Variants in TBL1XR1 observed in about 807,000 individuals in gnomAD.
The protein encoded by TBL1XR1 is TBL1X/Y related 1.
TBL1XR1 carries 5 observed loss-of-function variants against 66.9 expected under a neutral mutation model. That is an observed-to-expected ratio of 0.07 (90% CI 0.04 to 0.16). TBL1XR1 has a LOEUF of 0.16. Ranked by LOEUF, TBL1XR1 falls within the 10% of genes least tolerant of loss-of-function variation. The probability of loss-of-function intolerance (pLI) is 1.00; values close to 1 mark genes in which losing one functional copy is unlikely to be tolerated. For missense variants in TBL1XR1, 238 were observed against 623.2 expected (o/e 0.38, Z 6.58); for synonymous variants, 210 against 206.0 (o/e 1.02, Z -0.17).
At chr3:177,162,000 C>T (rs1256514624) in intron 1 of TBL1XR1, among the ~76,000 whole-genome samples, 1 of 152,182 alleles carries the variant, frequency 6.6e-6, no homozygotes, top group Non-Finnish European at 1.5e-5. Context: ...CTTACAAACA[C>T]TGCTAGTGAA....
At chr3:177,068,039 T>A (rs192007823) in intron 2 of TBL1XR1, among the ~76,000 whole-genome samples, 2 of 152,296 alleles carry the variant, frequency 1.3e-5, no homozygotes, top group South Asian at 2.1e-4. Context: ...GAGACACTCA[T>A]CCAGTCTTTA....
chr3:177,189,646 T>A (rs1160644300), intron 1 of TBL1XR1, among the ~76,000 whole-genome samples: 1 of 48,930 alleles, frequency 2.0e-5, no homozygotes, highest in Non-Finnish European at 3.6e-5. Flanking sequence ...CAAGACTCCA[T>A]CTCAAAAAAA....
At chr3:177,177,347 G>A (rs942570935) in intron 1 of TBL1XR1, among the ~76,000 whole-genome samples, 2 of 151,306 alleles carry the variant, frequency 1.3e-5, no homozygotes, top group Non-Finnish European at 2.9e-5. Context: ...CTACTCAGGA[G>A]GCTGAAGAAG....
chr3:177,050,239 G>A (rs370856858), intron 6 of TBL1XR1, 101 bp from the exon 7 acceptor site: 263 of 1,414,520 alleles, frequency 1.9e-4, no homozygotes, highest in Non-Finnish European at 2.2e-4. Flanking sequence ...AAATAAAAAC[G>A]ACTATCACGA....
intron 1 of TBL1XR1, among the ~76,000 whole-genome samples, chr3:177,153,234 ACT>A (rs1731105524): frequency 1.3e-5 from 2 of 152,158 alleles, no homozygotes; most frequent in Admixed American, 1.3e-4. Context: ...GGAAACAAAG[ACT>A]CTACCAAACT....
In TBL1XR1 at chr3:177,185,191, T is replaced by A. The variant is rs141670453; in HGVS notation, c.-122+11930A>T. On this transcript the variant is annotated intron_variant, in intron 1 of 15. Transcript: ENST00000457928. Reference sequence around the variant, plus strand: ...CCTACCCCAACAGCATTGTTATCAGTCTCTTCCACAGCTTTCTAGAGTCAC... The same window carrying A: ...CCTACCCCAACAGCATTGTTATCAGACTCTTCCACAGCTTTCTAGAGTCAC... Among the ~76,000 whole-genome samples, 23 of 152,324 alleles carry A rather than the reference T, an allele frequency of 1.5e-4. No homozygotes were observed. The East Asian group carries it at 3.9e-3, about 26-fold the overall frequency.
At chr3:177,194,778 T>C (rs1736618842) in intron 1 of TBL1XR1, among the ~76,000 whole-genome samples, 1 of 152,188 alleles carries the variant, frequency 6.6e-6, no homozygotes, top group Non-Finnish European at 1.5e-5. Context: ...ATGGTAATCA[T>C]GCAAAACCTT....
intron 1 of TBL1XR1, among the ~76,000 whole-genome samples, chr3:177,110,397 G>T (rs1228022227): frequency 6.6e-6 from 1 of 152,238 alleles, no homozygotes; most frequent in South Asian, 2.1e-4. Context: ...TGTATCTAGG[G>T]CTATACACCC....
chr3:177,051,038 T>C (rs1717007102), intron 5 of TBL1XR1, among the ~76,000 whole-genome samples: 1 of 152,184 alleles, frequency 6.6e-6, no homozygotes. Context: ...GTATTACAAA[T>C]TTTATTTAGA....
chr3:177,030,127 TATATAG>T (rs1713749727), intron 14 of TBL1XR1, among the ~76,000 whole-genome samples: 3 of 143,750 alleles, frequency 2.1e-5, no homozygotes, highest in Admixed American at 1.4e-4. Context: ...TGTGTATATA[TATATAG>T]AGAGAGAGAG....
At chr3:177,159,712 G>C (rs984673605) in intron 1 of TBL1XR1, among the ~76,000 whole-genome samples, 3 of 152,178 alleles carry the variant, frequency 2.0e-5, no homozygotes, top group African/African-American at 7.2e-5. Context: ...CAAAGTACCA[G>C]CTCCTACGAA....
At chr3:177,158,289 A>G (rs1407153732) in intron 1 of TBL1XR1, among the ~76,000 whole-genome samples, 2 of 146,926 alleles carry the variant, frequency 1.4e-5, no homozygotes, top group African/African-American at 5.1e-5. Flanking sequence ...GTGCAGTGGC[A>G]CAATCTTGGC....
chr3:177,146,825 TAGTG>T (rs1213419224), intron 1 of TBL1XR1, among the ~76,000 whole-genome samples: 6 of 152,060 alleles, frequency 3.9e-5, no homozygotes, highest in Admixed American at 2.6e-4. Flanking sequence ...AGAATCACCA[TAGTG>T]AGTCACTGTT....
chr3:177,069,688 G>A (rs999670223), intron 2 of TBL1XR1, among the ~76,000 whole-genome samples: 15 of 151,632 alleles, frequency 9.9e-5, no homozygotes, highest in African/African-American at 3.4e-4. Flanking sequence ...ACAGTGAGCC[G>A]AGATCGCACC....
chr3:177,136,196 G>A (rs1054319707), intron 1 of TBL1XR1: 9 of 152,162 alleles, frequency 5.9e-5, no homozygotes, highest in African/African-American at 1.2e-4. Flanking sequence ...ATACACACAT[G>A]TATAAGGCAG....
chr3:177,193,268 A>G (rs1736398128), intron 1 of TBL1XR1, among the ~76,000 whole-genome samples: 1 of 152,152 alleles, frequency 6.6e-6, no homozygotes, highest in African/African-American at 2.4e-5. Flanking sequence ...TTTAACCACT[A>G]TGCTACAACA....
chr3:177,065,039 G>A lies in TBL1XR1; in HGVS notation c.-45-17C>T, dbSNP rs1270774327. ...GATATAACCCTAAAAATAAAACAAA[G>A]TTAATTATTTTCTCAGTAAAATATT... On this transcript the variant is annotated splice_polypyrimidine_tract_variant and intron_variant, in intron 2 of 15. Transcript: ENST00000457928. The A allele has an allele frequency of 7.5e-7, 1 of 1,333,984 alleles. No individual in the cohort carries two copies. Among genetic ancestry groups the A allele is most frequent in the African/African-American group, 1.5e-5 (1 of 64,734 alleles). The allele number at this position is 1,333,984 out of a possible 1,614,324, so 82.6% of individuals were successfully genotyped here. A position where few individuals can be genotyped will look rare whatever the true frequency, so the allele number is the denominator to read the frequency against.
intron 1 of TBL1XR1, among the ~76,000 whole-genome samples, chr3:177,139,762 G>A (rs1340638334): frequency 6.6e-6 from 1 of 152,020 alleles, no homozygotes; most frequent in South Asian, 2.1e-4. Context: ...AGAGAGAGAT[G>A]GAAGGGGCAA....
At chr3:177,052,920 T>G (rs1344622659) in intron 4 of TBL1XR1, among the ~76,000 whole-genome samples, 1 of 151,902 alleles carries the variant, frequency 6.6e-6, no homozygotes, top group African/African-American at 2.4e-5. Flanking sequence ...CTGGCCAACA[T>G]GGGGAAACCC....
Sources: gnomAD v4.1 joint callset for allele counts (sites outside exome capture counted in the v4.1 genomes callset) on GRCh38, gnomAD v4.1.1 for gene constraint, MANE v1.5 for transcripts, NCBI Gene and HGNC (gene_info 2026-07-23, HGNC 2026-07-21) for gene names.